RFX2: variants seen among roughly 807,000 people sequenced by gnomAD.
RFX2 encodes DNA-binding protein RFX2.
RFX2 carries 20 observed loss-of-function variants against 87.8 expected under a neutral mutation model. The observed-to-expected ratio is 0.23, with a 90% CI of 0.16 to 0.33. The LOEUF is 0.33. Ranked by LOEUF, RFX2 falls within the 10% of genes least tolerant of loss-of-function variation. The pLI, the probability that RFX2 is intolerant of heterozygous loss-of-function variation, is 1.00. For synonymous variants in RFX2, 397 were observed against 431.3 expected, an observed-to-expected ratio of 0.92 and a Z score of 0.98; for missense variants, 767 against 1,012.3, an observed-to-expected ratio of 0.76 and a Z score of 3.29.
At position 5,994,963 on chromosome 19, in the gene RFX2, G is replaced by A. The variant is rs552838308; in HGVS notation, c.2057-13C>T. The A allele has an allele frequency of 3.8e-6, 6 of 1,594,174 alleles. 1 individual carries two copies. Among genetic ancestry groups the A allele is most frequent in the Admixed American group, 1.7e-5 (1 of 59,926 alleles). ...TCGCCCATGTCATCTGCGGAGGGAG[G>A]GGTAGGGTCAGTGTCCATCATCAGG... On this transcript the variant is annotated splice_polypyrimidine_tract_variant and intron_variant, in intron 17 of 17. Coordinates refer to ENST00000303657, the MANE Select transcript of RFX2 (RefSeq NM_000635.4).
At chr19:6,105,066 C>T (rs1016972270) in intron 1 of RFX2, among the ~76,000 whole-genome samples, 1 of 148,574 alleles carries the variant, frequency 6.7e-6, no homozygotes, top group African/African-American at 2.5e-5. Context: ...TGCAGTGAGC[C>T]GAGATTGCAC....
In RFX2 at chr19:5,999,386, C is replaced by G. The variant is rs2062191921; in HGVS notation, c.1860-2173G>C. On this transcript the variant is annotated intron_variant, in intron 15 of 17. Coordinates refer to ENST00000303657, the MANE Select transcript of RFX2 (RefSeq NM_000635.4). This position sits in a 1 kb window ranked among gnomAD's most constrained non-coding sequence, Gnocchi z 4.1. ...GTGCTCTTCTCTGGCTGGCAGGCACCTCAGTCCTGCGCTCACTCTGCTCTT... is the reference window on the plus strand; with the variant it reads ...GTGCTCTTCTCTGGCTGGCAGGCACGTCAGTCCTGCGCTCACTCTGCTCTT... Among the ~76,000 whole-genome samples the G allele has an allele frequency of 6.6e-6, 1 of 152,138 alleles. No individual in the cohort carries two copies.
At chr19:6,076,773 T>C (rs1273510076) in intron 1 of RFX2, among the ~76,000 whole-genome samples, 2 of 152,254 alleles carry the variant, frequency 1.3e-5, no homozygotes, top group Non-Finnish European at 2.9e-5. Flanking sequence ...TGTTTGCTAT[T>C]TGTGATTTCA....
At position 6,004,124 on chromosome 19, in the gene RFX2, C is replaced by A; in HGVS notation, c.1500+77G>T. Reference sequence around the variant, plus strand: ...GAAGAAGCCAGCGCTCTCTGGGACACAGTGGTCCTCATGCTGTCCTGGACT... The same window carrying A: ...GAAGAAGCCAGCGCTCTCTGGGACAAAGTGGTCCTCATGCTGTCCTGGACT... On this transcript the variant is annotated intron_variant, in intron 13 of 17. Coordinates refer to ENST00000303657, the MANE Select transcript of RFX2 (RefSeq NM_000635.4). The surrounding 1 kb of genome is among the most constrained non-coding windows in gnomAD (Gnocchi z 4.8). 9.1e-7 allele frequency: 1 copy of A among 1,093,474 alleles called. No individual in the cohort carries two copies. The highest frequency in any genetic ancestry group is 1.2e-5 in the South Asian group (1 of 80,354). The allele number at this position is 1,093,474 out of a possible 1,614,324, so 67.7% of individuals were successfully genotyped here. A position where few individuals can be genotyped will look rare whatever the true frequency, so the allele number is the denominator to read the frequency against.
At position 6,044,823 on chromosome 19, in the gene RFX2, G is replaced by A. The variant is rs1349042971; in HGVS notation, c.91-541C>T. Reference sequence around the variant, plus strand: ...AATGAAGCCAGAGGGCTCAAGTGCTGCCTCTGGCTACAGAATACTCGAGTC... The same window carrying A: ...AATGAAGCCAGAGGGCTCAAGTGCTACCTCTGGCTACAGAATACTCGAGTC... On this transcript the variant is annotated intron_variant, in intron 2 of 17. Coordinates refer to ENST00000303657, the MANE Select transcript of RFX2 (RefSeq NM_000635.4). This position sits in a 1 kb window ranked among gnomAD's most constrained non-coding sequence, Gnocchi z 5.3. Among the ~76,000 whole-genome samples, 1 of 152,202 alleles carries A rather than the reference G, an allele frequency of 6.6e-6. No individual in the cohort carries two copies. The highest frequency in any genetic ancestry group is 2.4e-5 in the African/African-American group (1 of 41,446).
At chr19:6,082,330 T>G (rs2087797094) in intron 1 of RFX2, among the ~76,000 whole-genome samples, 1 of 147,852 alleles carries the variant, frequency 6.8e-6, no homozygotes, top group African/African-American at 2.5e-5. Flanking sequence ...ACAGGGGAAA[T>G]GGACCAGATG....
chr19:6,048,018 G>A (rs984864330), intron 1 of RFX2, among the ~76,000 whole-genome samples: 3 of 152,234 alleles, frequency 2.0e-5, no homozygotes, highest in African/African-American at 7.2e-5. Flanking sequence ...ACGGCAGGGT[G>A]CTGAGCAGCA....
intron 1 of RFX2, chr19:6,072,741 T>A: frequency 2.0e-6 from 1 of 510,248 alleles, no homozygotes; most frequent in Non-Finnish European, 3.6e-6. Flanking sequence ...TCCAAGGACA[T>A]AACAAAGAAA....
At chr19:6,085,073 T>A (rs2087838083) in intron 1 of RFX2, among the ~76,000 whole-genome samples, 1 of 152,228 alleles carries the variant, frequency 6.6e-6, no homozygotes, top group African/African-American at 2.4e-5. Flanking sequence ...TATAGATGGA[T>A]CACATTTTAT....
chr19:6,056,884 C>T lies in RFX2; in HGVS notation c.-8-9380G>A, dbSNP rs184939128. Reference sequence around the variant, plus strand: ...AACAGCCAATATAAAGGGGAGGGGCCGCAACACGACCTGTCACCCAGCCTG... The same window carrying T: ...AACAGCCAATATAAAGGGGAGGGGCTGCAACACGACCTGTCACCCAGCCTG... On this transcript the variant is annotated intron_variant, in intron 1 of 17. Coordinates refer to ENST00000303657, the MANE Select transcript of RFX2 (RefSeq NM_000635.4). This position sits in a 1 kb window ranked among gnomAD's most constrained non-coding sequence, Gnocchi z 4.6. Among the ~76,000 whole-genome samples, 73 of 152,266 alleles carry T rather than the reference C, an allele frequency of 4.8e-4. No individual in the cohort carries two copies. The highest frequency in any genetic ancestry group is 1.7e-3 in the African/African-American group (72 of 41,550).
intron 1 of RFX2, among the ~76,000 whole-genome samples, chr19:6,088,014 G>A (rs570372167): frequency 3.9e-5 from 6 of 152,102 alleles, no homozygotes; most frequent in Admixed American, 2.6e-4. Context: ...GGCTTAACCC[G>A]CCAGGAAGCC....
intron 1 of RFX2, among the ~76,000 whole-genome samples, chr19:6,099,963 C>T (rs2088093104): frequency 6.6e-6 from 1 of 152,192 alleles, no homozygotes; most frequent in Non-Finnish European, 1.5e-5. Flanking sequence ...CCACATCCTA[C>T]AGTGCACAGA....
intron 5 of RFX2, among the ~76,000 whole-genome samples, chr19:6,035,848 GGGGTGTGTGT>G (rs1392668957): frequency 1.1e-4 from 9 of 85,328 alleles, no homozygotes; most frequent in Admixed American, 3.0e-4. Context: ...AGCTTGGTGG[GGGGTGTGTGT>G]GTGTGTGTGT....
chr19:6,010,806 T>G lies in RFX2; in HGVS notation c.900-555A>C, dbSNP rs2086650344. ...AGATATATATTTTCCCCCTAACATT[T>G]CTCTCTTAGAAAAAAAAGTGAAATT... On this transcript the variant is annotated intron_variant, in intron 8 of 17. Coordinates refer to ENST00000303657, the MANE Select transcript of RFX2 (RefSeq NM_000635.4). The surrounding 1 kb of genome is among the most constrained non-coding windows in gnomAD (Gnocchi z 5.0). 6.6e-6 allele frequency among the ~76,000 whole-genome samples: 1 copy of G among 152,122 alleles called. No individual in the cohort carries two copies. Among genetic ancestry groups the G allele is most frequent in the Admixed American group, 6.6e-5 (1 of 15,254 alleles).
At chr19:6,089,629 C>T (rs1371711661) in intron 1 of RFX2, among the ~76,000 whole-genome samples, 1 of 152,190 alleles carries the variant, frequency 6.6e-6, no homozygotes, top group African/African-American at 2.4e-5. Flanking sequence ...GAGGACACAG[C>T]TAGAAGGCAG....
intron 1 of RFX2, chr19:6,073,076 T>A (rs2074411787): frequency 2.2e-6 from 1 of 454,646 alleles, no homozygotes; most frequent in African/African-American, 2.0e-5. Flanking sequence ...GCCTTCCGGG[T>A]TGAAGCAATT....
chr19:6,090,677 A>C (rs1032391887), intron 1 of RFX2, among the ~76,000 whole-genome samples: 5 of 152,206 alleles, frequency 3.3e-5, no homozygotes, highest in Non-Finnish European at 7.3e-5. Flanking sequence ...TCCCTGAAGA[A>C]ATGAAGCTAT....
chr19:6,094,594 A>G (rs2087994442), intron 1 of RFX2, among the ~76,000 whole-genome samples: 1 of 152,110 alleles, frequency 6.6e-6, no homozygotes, highest in African/African-American at 2.4e-5. Flanking sequence ...GCCTGCTTTG[A>G]CTTTAACACC....
rs569973584 is a variant in RFX2 at position 6,101,734 on chromosome 19, G to A, written c.-9+8659C>T. On this transcript the variant is annotated intron_variant, in intron 1 of 17. Coordinates refer to ENST00000303657, the MANE Select transcript of RFX2 (RefSeq NM_000635.4). The surrounding 1 kb of genome is among the most constrained non-coding windows in gnomAD (Gnocchi z 4.9). ...TTGGGCAAGTCTAATCTTTCTGGTT[G>A]CCATTGGATCTCACTCTTCATGGTG... Among the ~76,000 whole-genome samples, 11 of 152,246 alleles carry A rather than the reference G, an allele frequency of 7.2e-5. No homozygotes were observed. The South Asian group carries it at 1.0e-3, about 14-fold the overall frequency.
Sources: gnomAD v4.1 joint callset for allele counts (sites outside exome capture counted in the v4.1 genomes callset) on GRCh38, gnomAD v4.1.1 for gene constraint, Gnocchi (gnomAD v3.1) non-coding constraint, MANE v1.5 for transcripts, NCBI Gene and HGNC (gene_info 2026-07-23, HGNC 2026-07-21) for gene names.